The following LEPR variants were observed in gnomAD, a reference collection of about 807,000 sequenced individuals.
LEPR encodes the protein OB receptor.
LEPR carries 56 observed loss-of-function variants against 114.7 expected under a neutral mutation model. The ratio of observed to expected loss-of-function variants is 0.49; its 90% CI spans 0.39 to 0.61. The LOEUF is 0.61. LEPR is among the 20% of genes least tolerant of loss of function. LEPR has a pLI of 0.00. For synonymous variants in LEPR, 443 were observed against 461.4 expected (o/e 0.96, Z 0.51); for missense variants, 1,202 against 1,352.9 (o/e 0.89, Z 1.75).
chr1:65,557,116 GA>G (rs2100745307), intron 2 of LEPR, among the ~76,000 whole-genome samples: 1 of 152,228 alleles, frequency 6.6e-6, no homozygotes, highest in South Asian at 2.1e-4. Flanking sequence ...AAATTGCTTT[GA>G]AACTCTGGTA....
intron 2 of LEPR, among the ~76,000 whole-genome samples, chr1:65,539,822 G>A (rs1468968181): frequency 6.6e-6 from 1 of 152,158 alleles, no homozygotes; most frequent in Non-Finnish European, 1.5e-5. Flanking sequence ...GAGCTCAGAG[G>A]TAGTAGGCAT....
Position 65,436,154 on chromosome 1 carries a change from A to G in LEPR, c.-21+10776A>G, listed in dbSNP as rs11803194. 1.6e-5 allele frequency: 13 copies of G among 813,132 alleles called. No homozygotes were observed. The African/African-American group carries it at 2.2e-4, about 14-fold the overall frequency. 50.4% of individuals were successfully genotyped at this position (813,132 alleles called of 1,614,324 possible). A position where few individuals can be genotyped will look rare whatever the true frequency, so the allele number is the denominator to read the frequency against. On this transcript the variant is annotated intron_variant, in intron 2 of 19. Coordinates refer to ENST00000349533, the MANE Select transcript of LEPR (RefSeq NM_002303.6). ...TGAATCTGACCAGTTTGAAGCCTGT[A>G]CTTGCTGTAGTTGAAGAGAAACAGT...
At chr1:65,488,214 C>CTTTCTTTCTTTCTTTCTTTT (rs774153035) in intron 2 of LEPR, among the ~76,000 whole-genome samples, 1 of 46,768 alleles carries the variant, frequency 2.1e-5, no homozygotes, top group South Asian at 1.0e-3. Context: ...CTTTCTTTCT[C>CTTTCTTTCTTTCTTTCTTTT]TCTCTCTCTC....
intron 2 of LEPR, chr1:65,435,243 A>C: frequency 1.0e-6 from 1 of 985,034 alleles, no homozygotes; most frequent in Non-Finnish European, 1.2e-6. Flanking sequence ...GGAAGTCCTT[A>C]CCTCTGAGGT....
At chr1:65,433,190 G>C (rs17750) in intron 2 of LEPR, 363,306 of 984,678 alleles carry the variant, frequency 0.37, 71,164 homozygotes, top group Non-Finnish European at 0.4. Context: ...CTCCTCAACA[G>C]TTCTGGTTTG....
chr1:65,556,640 T>C (rs751814667), intron 2 of LEPR, among the ~76,000 whole-genome samples: 1 of 152,178 alleles, frequency 6.6e-6, no homozygotes, highest in Admixed American at 6.5e-5. Flanking sequence ...TGCCAGATTC[T>C]CAAACAGCTG....
intron 2 of LEPR, among the ~76,000 whole-genome samples, chr1:65,523,770 C>A (rs575839951): frequency 5.1e-4 from 78 of 152,286 alleles, no homozygotes; most frequent in African/African-American, 1.5e-3. Context: ...GACTTCCCAC[C>A]AAAAATGCCC....
chr1:65,519,283 G>A lies in LEPR; in HGVS notation c.-20-46263G>A, dbSNP rs577152427. On this transcript the variant is annotated intron_variant, in intron 2 of 19. Coordinates refer to ENST00000349533, the MANE Select transcript of LEPR (RefSeq NM_002303.6). ...CCCCACCTCAGTCTCCCAAGTAGCT[G>A]GGACTACAGGTGCACACCACCACAC... is the stretch of plus-strand genomic sequence containing the variant. 3.3e-5 allele frequency among the ~76,000 whole-genome samples: 5 copies of A among 151,912 alleles called. No homozygotes were observed. The South Asian group carries it at 1.0e-3, about 32-fold the overall frequency.
chr1:65,570,947 AAACT>A, intron 4 of LEPR, 145 bp downstream of exon 4: 3 of 682,864 alleles, frequency 4.4e-6, no homozygotes, highest in Non-Finnish European at 4.3e-6. Flanking sequence ...TTATGTGAAC[AAACT>A]AATAAATAAT....
In LEPR at chr1:65,605,020, T is replaced by C. The variant is rs756346897; in HGVS notation, c.1404-18T>C. On this transcript the variant is annotated intron_variant, in intron 10 of 19. Coordinates refer to ENST00000349533, the MANE Select transcript of LEPR (RefSeq NM_002303.6). ...TTTATTAATGTATACTAATTGACTA[T>C]TTTTGTATCTTTTAAAGGAGCAGCC... The C allele has an allele frequency of 4.3e-6, 7 of 1,609,978 alleles. No homozygotes were observed. In the African/African-American group the frequency reaches 9.4e-5, roughly 22 times the overall value.
chr1:65,552,906 G>C (rs547671124), intron 2 of LEPR, among the ~76,000 whole-genome samples: 2 of 152,246 alleles, frequency 1.3e-5, no homozygotes, highest in African/African-American at 2.4e-5. Context: ...TTTAAGGCAG[G>C]CCTGGTGGTG....
intron 2 of LEPR, among the ~76,000 whole-genome samples, chr1:65,487,259 C>G (rs1055559243): frequency 2.6e-5 from 4 of 152,082 alleles, no homozygotes; most frequent in African/African-American, 7.2e-5. Flanking sequence ...AGGATGTTGT[C>G]TTTTCTTTCC....
At chr1:65,475,508 A>AC (rs1296794231) in intron 2 of LEPR, among the ~76,000 whole-genome samples, 6 of 152,150 alleles carry the variant, frequency 3.9e-5, no homozygotes, top group Non-Finnish European at 7.4e-5. Flanking sequence ...TCCACGTAGA[A>AC]CCCTGGAGCT....
chr1:65,524,146 A>G (rs968915459), intron 2 of LEPR, among the ~76,000 whole-genome samples: 1 of 152,210 alleles, frequency 6.6e-6, no homozygotes, highest in African/African-American at 2.4e-5. Flanking sequence ...TTGAGCATTA[A>G]GTTTGTGGTA....
rs1424740180 is a variant in LEPR at position 65,640,472 on chromosome 1, C to T, written c.*3457C>T. ...TTTAAGTCACAAAATTATAGTTGTC[C>T]ACTCTACTATGACTGAAAGAAGCAG... On this transcript the variant is annotated 3_prime_UTR_variant, in exon 20 of 20. Transcript: ENST00000349533. The T allele has an allele frequency of 6.6e-6, 1 of 152,018 alleles. No homozygotes were observed. The highest frequency in any genetic ancestry group is 1.5e-5 in the Non-Finnish European group (1 of 68,010). The allele number at this position is 152,018 out of a possible 1,614,324, so 9.4% of individuals were successfully genotyped here.
chr1:65,611,165 T>G (rs541001635), intron 14 of LEPR, among the ~76,000 whole-genome samples: 1 of 152,330 alleles, frequency 6.6e-6, no homozygotes, highest in Non-Finnish European at 1.5e-5. Context: ...CTTAAAAAAT[T>G]TAGTTTCTTT....
At chr1:65,624,892 A>G (rs1658107120) in intron 19 of LEPR, among the ~76,000 whole-genome samples, 1 of 152,188 alleles carries the variant, frequency 6.6e-6, no homozygotes, top group African/African-American at 2.4e-5. Context: ...AAGCAGCAGT[A>G]GTGTTGTTTT....
At chr1:65,518,897 CTT>C (rs1557636210) in intron 2 of LEPR, among the ~76,000 whole-genome samples, 13 of 84,626 alleles carry the variant, frequency 1.5e-4, no homozygotes, top group African/African-American at 5.2e-4. Context: ...TTCTTTCTTT[CTT>C]TCTTTCTTTC....
intron 11 of LEPR, among the ~76,000 whole-genome samples, chr1:65,606,069 T>C (rs1656787665): frequency 1.3e-5 from 2 of 152,188 alleles, no homozygotes; most frequent in Non-Finnish European, 1.5e-5. Context: ...TGGGGGATTA[T>C]GTCAAAAATC....
Sources: allele counts gnomAD v4.1 joint callset (sites outside exome capture counted in the v4.1 genomes callset), GRCh38; gene constraint gnomAD v4.1.1; transcripts MANE v1.5; gene names NCBI Gene and HGNC (gene_info 2026-07-23, HGNC 2026-07-21).